The following CCDC175 variants were observed in gnomAD, a reference collection of about 807,000 sequenced individuals.
The protein encoded by CCDC175 is coiled-coil domain containing 175.
In CCDC175, 100 loss-of-function variants were observed where a neutral mutation model predicts 114.6. The observed-to-expected ratio is 0.87, with a 90% CI of 0.74 to 1.03. CCDC175 has a LOEUF of 1.03. CCDC175 is among the 50% of genes least tolerant of loss of function. The pLI, the probability that CCDC175 is intolerant of heterozygous loss-of-function variation, is 0.00. For synonymous variants in CCDC175, 306 were observed against 308.7 expected (o/e 0.99, Z 0.09); for missense variants, 880 against 917.8 (o/e 0.96, Z 0.53).
intron 3 of CCDC175, among the ~76,000 whole-genome samples, chr14:59,571,850 A>C (rs1446581671): frequency 6.6e-6 from 1 of 152,224 alleles, no homozygotes; most frequent in East Asian, 1.9e-4. Context: ...AGGCACTTGG[A>C]TACAGGTGGA....
chr14:59,548,862 C>T (rs1365868607), intron 8 of CCDC175, among the ~76,000 whole-genome samples: 1 of 152,082 alleles, frequency 6.6e-6, no homozygotes, highest in African/African-American at 2.4e-5. Context: ...GAGGGAGCTG[C>T]CTTTGATATC....
intron 13 of CCDC175, among the ~76,000 whole-genome samples, chr14:59,533,865 T>C (rs961782830): frequency 1.3e-5 from 2 of 151,936 alleles, no homozygotes; most frequent in Admixed American, 1.3e-4. Context: ...GGCATGCACC[T>C]GTAGTCCCAG....
At chr14:59,564,966 G>T in intron 5 of CCDC175, 81 bp downstream of exon 5, 2 of 1,110,558 alleles carry the variant, frequency 1.8e-6, no homozygotes, top group Non-Finnish European at 2.5e-6. Context: ...TGCCAGCCTT[G>T]AGGACAAATA....
Position 59,512,173 on chromosome 14 carries a change from C to G in CCDC175, c.2099-370G>C, listed in dbSNP as rs558238104. Among the ~76,000 whole-genome samples, 15 of 152,320 alleles carry G rather than the reference C, an allele frequency of 9.8e-5. 1 individual carries two copies. The highest frequency in any genetic ancestry group is 3.4e-3 in the Middle Eastern group (1 of 294). On this transcript the variant is annotated intron_variant, in intron 17 of 19. Transcript: ENST00000537690. ...ACACAAAAAGATTAGCAAACTGAAT[C>G]CAGCAATAGACAAGAACAATAAAAG...
At chr14:59,517,016 G>C (rs916053764) in intron 17 of CCDC175, among the ~76,000 whole-genome samples, 4 of 152,024 alleles carry the variant, frequency 2.6e-5, no homozygotes, top group Non-Finnish European at 5.9e-5. Flanking sequence ...TGGTTCAACA[G>C]ACACAAATCA....
intron 6 of CCDC175, among the ~76,000 whole-genome samples, chr14:59,561,886 TCAAA>T (rs763480081): frequency 6.6e-6 from 1 of 152,112 alleles, no homozygotes; most frequent in Non-Finnish European, 1.5e-5. Flanking sequence ...ACAAGGCTGA[TCAAA>T]CAAATTCCTC....
chr14:59,508,742 C>T (rs1365959763), intron 19 of CCDC175, among the ~76,000 whole-genome samples: 1 of 151,920 alleles, frequency 6.6e-6, no homozygotes, highest in Non-Finnish European at 1.5e-5. Flanking sequence ...CCCCAAAGTG[C>T]TGCCTTACCC....
chr14:59,571,277 A>G (rs777867072), intron 3 of CCDC175, among the ~76,000 whole-genome samples: 3 of 152,182 alleles, frequency 2.0e-5, no homozygotes, highest in Non-Finnish European at 4.4e-5. Context: ...CTGCATCAAA[A>G]TTTAAAACTT....
At position 59,563,742 on chromosome 14, in the gene CCDC175, C is replaced by A; in HGVS notation, c.838G>T (p.Ala280Ser). The change falls in exon 6 of 20, where the codon GCA (alanine) becomes TCA (serine). Residue 280 changes from alanine to serine, a missense_variant. Coordinates refer to ENST00000537690, the MANE Select transcript of CCDC175 (RefSeq NM_001164399.2). ...SKIKETVTVS[A>S]AVLSDHNLEI... The stretch of plus-strand genomic sequence containing the variant: ...TATAGTTTATTCTTTCTTACCGCTG[C>A]GGAAACAGTAACTGTTTCTTTTATT... 1.4e-6 allele frequency: 2 copies of A among 1,399,206 alleles called. No homozygotes were observed. Among genetic ancestry groups the A allele is most frequent in the Non-Finnish European group, 9.3e-7 (1 of 1,078,672 alleles). The allele number at this position is 1,399,206 out of a possible 1,614,324, so 86.7% of individuals were successfully genotyped here.
chr14:59,540,590 T>C, intron 11 of CCDC175, 85 bp downstream of exon 11: 1 of 1,355,908 alleles, frequency 7.4e-7, no homozygotes, highest in Non-Finnish European at 9.9e-7. Context: ...TAACAACAAG[T>C]ACTCTGCACT....
Position 59,527,158 on chromosome 14 carries a change from T to C in CCDC175, c.1779A>G (p.Glu593=). ...SNIITAQRQE[E]DLLNNHIFLF... ...GAAAAATGTGATTGTTCAGTAAATC[T>C]TCCTCCTGTCTTTGTGCTATTAAAA... Residue 593 remains glutamate (E), a synonymous_variant, in exon 15 of 20, where the codon GAA becomes GAG. Transcript: ENST00000537690. The C allele has an allele frequency of 6.7e-7, 1 of 1,497,052 alleles. No homozygotes were observed. The highest frequency in any genetic ancestry group is 8.9e-7 in the Non-Finnish European group (1 of 1,127,864). The allele number at this position is 1,497,052 out of a possible 1,614,324, so 92.7% of individuals were successfully genotyped here. A position where few individuals can be genotyped will look rare whatever the true frequency, so the allele number is the denominator to read the frequency against.
intron 14 of CCDC175, 39 bp from the exon 15 acceptor site, chr14:59,527,213 T>A (rs1267230950): frequency 8.2e-6 from 9 of 1,096,346 alleles, no homozygotes; most frequent in Non-Finnish European, 1.1e-5. Flanking sequence ...CTCAAAAATT[T>A]AGTTAAAAAA....
chr14:59,551,271 A>T, intron 8 of CCDC175, 84 bp downstream of exon 8: 1 of 677,690 alleles, frequency 1.5e-6, no homozygotes, highest in Non-Finnish European at 2.2e-6. Context: ...CTTTTGAAAA[A>T]TTCTATATTT....
intron 8 of CCDC175, among the ~76,000 whole-genome samples, chr14:59,548,662 C>A (rs1595044171): frequency 6.6e-6 from 1 of 152,126 alleles, no homozygotes; most frequent in East Asian, 1.9e-4. Context: ...ATATTTTGCT[C>A]ACAAAATGAA....
chr14:59,571,369 C>A (rs1297611324), intron 3 of CCDC175, among the ~76,000 whole-genome samples: 1 of 152,128 alleles, frequency 6.6e-6, no homozygotes, highest in Non-Finnish European at 1.5e-5. Flanking sequence ...TATATCTAAT[C>A]AGTGGTTAAC....
intron 13 of CCDC175, among the ~76,000 whole-genome samples, chr14:59,535,164 G>C (rs937631042): frequency 3.9e-5 from 6 of 152,174 alleles, no homozygotes; most frequent in Non-Finnish European, 8.8e-5. Flanking sequence ...TTGGGTTATT[G>C]CTATATAATA....
At chr14:59,528,666 C>T (rs1893889738) in intron 14 of CCDC175, among the ~76,000 whole-genome samples, 1 of 151,968 alleles carries the variant, frequency 6.6e-6, no homozygotes, top group African/African-American at 2.4e-5. Context: ...AAGCATTATT[C>T]ACTGATTTTT....
intron 7 of CCDC175, among the ~76,000 whole-genome samples, chr14:59,553,585 T>C (rs1206204084): frequency 1.3e-5 from 2 of 152,178 alleles, no homozygotes; most frequent in Admixed American, 6.5e-5. Flanking sequence ...GCTAACATCA[T>C]AATGACAGGA....
intron 14 of CCDC175, among the ~76,000 whole-genome samples, chr14:59,527,974 T>C (rs1893848022): frequency 2.0e-5 from 3 of 152,156 alleles, no homozygotes; most frequent in Admixed American, 1.3e-4. Context: ...TCCTGTTTCC[T>C]AAATTTCTTA....
Sources: allele counts gnomAD v4.1 joint callset (sites outside exome capture counted in the v4.1 genomes callset), GRCh38; gene constraint gnomAD v4.1.1; transcripts MANE v1.5; gene names NCBI Gene and HGNC (gene_info 2026-07-23, HGNC 2026-07-21).